Variants in PLCB1 observed in about 807,000 individuals in gnomAD.
The protein encoded by PLCB1 is phospholipase C beta 1.
A neutral mutation model predicts 161.8 loss-of-function variants in PLCB1; 46 were observed. That is an observed-to-expected ratio of 0.28 (90% confidence interval 0.22 to 0.36). The LOEUF is 0.36. Among genes scored for constraint, PLCB1 ranks in the 10% least tolerant of loss-of-function variants. PLCB1 has a pLI of 1.00. For synonymous variants in PLCB1, 517 were observed against 503.7 expected (o/e 1.03, Z -0.35); for missense variants, 1,016 against 1,472.5 (o/e 0.69, Z 5.07).
At chr20:8,870,978 C>T (rs562248540) in intron 31 of PLCB1, among the ~76,000 whole-genome samples, 1 of 152,282 alleles carries the variant, frequency 6.6e-6, no homozygotes, top group East Asian at 1.9e-4. Context: ...CACCTTGGAG[C>T]TTGTTAGAAA....
At position 8,643,929 on chromosome 20, in the gene PLCB1, C is replaced by T. The variant is rs202240789; in HGVS notation, c.385-2173C>T. Among the ~76,000 whole-genome samples the T allele has an allele frequency of 7.0e-3, 920 of 130,678 alleles. 2 individuals are homozygous for T. The highest frequency in any genetic ancestry group is 0.025 in the African/African-American group (879 of 34,610). 85.7% of individuals were successfully genotyped at this position (130,678 alleles called of 152,430 possible). Reference sequence around the variant, plus strand: ...CCTGCCTCAGCCTGCCCAGTGCCTGCGATTGCAGGCGCGCGCCGCCACGCC... The same window carrying T: ...CCTGCCTCAGCCTGCCCAGTGCCTGTGATTGCAGGCGCGCGCCGCCACGCC... On this transcript the variant is annotated intron_variant, in intron 4 of 31. Coordinates refer to ENST00000338037, the MANE Select transcript of PLCB1 (RefSeq NM_015192.4).
intron 26 of PLCB1, among the ~76,000 whole-genome samples, chr20:8,771,701 T>A (rs1033624550): frequency 1.3e-5 from 2 of 152,166 alleles, no homozygotes; most frequent in African/African-American, 4.8e-5. Context: ...AATCCCTTAG[T>A]ACATAGTATC....
At chr20:8,294,959 A>T (rs1027715275) in intron 2 of PLCB1, among the ~76,000 whole-genome samples, 27 of 152,164 alleles carry the variant, frequency 1.8e-4, no homozygotes, top group Non-Finnish European at 3.8e-4. Context: ...CTACTGCTAC[A>T]TGCAGCAACA....
rs578245232 is a variant in PLCB1 at position 8,205,083 on chromosome 20, A to T, written c.177+54712A>T. On this transcript the variant is annotated intron_variant, in intron 2 of 31. Coordinates refer to ENST00000338037, the MANE Select transcript of PLCB1 (RefSeq NM_015192.4). ...AAATTCTTTATGATAAAATCCATTT[A>T]GCATAATAATCCGAAAAGACAGAGT... Among the ~76,000 whole-genome samples the T allele has an allele frequency of 1.4e-4, 21 of 152,344 alleles. No individual in the cohort carries two copies. The South Asian group carries it at 4.1e-3, about 30-fold the overall frequency.
At chr20:8,277,069 C>A (rs184551068) in intron 2 of PLCB1, among the ~76,000 whole-genome samples, 1 of 150,548 alleles carries the variant, frequency 6.6e-6, no homozygotes, top group Non-Finnish European at 1.5e-5. Context: ...GGCACGATCT[C>A]GGCTCACTGC....
intron 9 of PLCB1, among the ~76,000 whole-genome samples, chr20:8,660,790 G>A (rs1183318631): frequency 6.6e-6 from 1 of 152,078 alleles, no homozygotes; most frequent in African/African-American, 2.4e-5. Flanking sequence ...AACTTTATCT[G>A]TTTTTCTATA....
chr20:8,498,294 A>G (rs551051922), intron 3 of PLCB1, among the ~76,000 whole-genome samples: 1 of 152,242 alleles, frequency 6.6e-6, no homozygotes, highest in Admixed American at 6.5e-5. Context: ...ATGGAGTTTC[A>G]CCATGTTGGC....
intron 3 of PLCB1, among the ~76,000 whole-genome samples, chr20:8,582,725 T>C (rs1334204721): frequency 1.3e-5 from 2 of 152,192 alleles, no homozygotes; most frequent in African/African-American, 4.8e-5. Flanking sequence ...AGGTGGCTCA[T>C]GCCTGTAATC....
chr20:8,209,987 G>A (rs560985707), intron 2 of PLCB1, among the ~76,000 whole-genome samples: 67 of 152,096 alleles, frequency 4.4e-4, no homozygotes, highest in African/African-American at 1.6e-3. Context: ...ACAGGCTTGT[G>A]CCACTACACC....
chr20:8,792,906 C>T (rs550211367), intron 31 of PLCB1: 18 of 312,288 alleles, frequency 5.8e-5, no homozygotes, highest in South Asian at 5.4e-4. Context: ...GACCAAAGCA[C>T]AGGACAGCAA....
chr20:8,338,234 A>G (rs1985658472), intron 2 of PLCB1, among the ~76,000 whole-genome samples: 2 of 152,204 alleles, frequency 1.3e-5, no homozygotes, highest in South Asian at 2.1e-4. Flanking sequence ...GATTTTAACA[A>G]TGAGAGGCAT....
chr20:8,785,480 C>G lies in PLCB1; in HGVS notation c.3112-2969C>G, dbSNP rs1027060612. Reference sequence around the variant, plus strand: ...TATTTAGTAGGTGCTTAATAAATATCCATTGCATCGTGGCTGAATCAGATA... The same window carrying G: ...TATTTAGTAGGTGCTTAATAAATATGCATTGCATCGTGGCTGAATCAGATA... On this transcript the variant is annotated intron_variant, in intron 27 of 31. Coordinates refer to ENST00000338037, the MANE Select transcript of PLCB1 (RefSeq NM_015192.4). Among the ~76,000 whole-genome samples the G allele has an allele frequency of 9.9e-5, 15 of 152,108 alleles. 1 individual carries two copies. Among genetic ancestry groups the G allele is most frequent in the Non-Finnish European group, 2.1e-4 (14 of 68,026 alleles).
chr20:8,563,222 G>C (rs556737531), intron 3 of PLCB1, among the ~76,000 whole-genome samples: 9 of 152,184 alleles, frequency 5.9e-5, no homozygotes, highest in African/African-American at 2.2e-4. Context: ...TTAGGAGCAA[G>C]TAATTGATTT....
Position 8,839,752 on chromosome 20 carries a change from A to AAAC in PLCB1, c.3424-41870_3424-41869insAAC, listed in dbSNP as rs368082373. Reference sequence around the variant, plus strand: ...GTAATTCTTAAAAAAAAAAAAAAAAAGCCTTGGCCAGGTGCGGTGGCTCAC... The same window carrying AAAC: ...GTAATTCTTAAAAAAAAAAAAAAAAAAACGCCTTGGCCAGGTGCGGTGGCTCAC... On this transcript the variant is annotated intron_variant, in intron 31 of 31. Transcript: ENST00000338037. Among the ~76,000 whole-genome samples the AAAC allele has an allele frequency of 1.9e-3, 284 of 148,438 alleles. 4 individuals carry two copies. The highest frequency in any genetic ancestry group is 9.9e-3 in the South Asian group (47 of 4,754).
intron 30 of PLCB1, among the ~76,000 whole-genome samples, 196 bp from the exon 31 acceptor site, chr20:8,789,979 C>T (rs767662182): frequency 1.3e-5 from 2 of 152,066 alleles, no homozygotes; most frequent in Non-Finnish European, 2.9e-5. Flanking sequence ...CCATTGATCA[C>T]CACCTCCCAC....
chr20:8,217,992 T>G (rs1979221877), intron 2 of PLCB1, among the ~76,000 whole-genome samples: 1 of 152,154 alleles, frequency 6.6e-6, no homozygotes, highest in Admixed American at 6.6e-5. Context: ...AACAAAACTC[T>G]GTTTATTATA....
At position 8,581,781 on chromosome 20, in the gene PLCB1, A is replaced by T. The variant is rs183202271; in HGVS notation, c.247-46513A>T. Among the ~76,000 whole-genome samples the T allele has an allele frequency of 2.2e-4, 34 of 152,248 alleles. No homozygotes were observed. In the East Asian group the frequency reaches 6.0e-3, roughly 27 times the overall value. On this transcript the variant is annotated intron_variant, in intron 3 of 31. Transcript: ENST00000338037. ...CACCTGCAAAGAATAGCTATTGAGT[A>T]TTTCTACTCTGAATTCAGAAGTTTG...
At chr20:8,240,279 GACACACACAC>G (rs10683042) in intron 2 of PLCB1, among the ~76,000 whole-genome samples, 1 of 149,560 alleles carries the variant, frequency 6.7e-6, no homozygotes, top group African/African-American at 2.5e-5. Flanking sequence ...TCATGATATT[GACACACACAC>G]ACACACACAC....
At chr20:8,590,982 G>C (rs1243074962) in intron 3 of PLCB1, among the ~76,000 whole-genome samples, 2 of 151,548 alleles carry the variant, frequency 1.3e-5, no homozygotes, top group East Asian at 3.9e-4. Context: ...CCCCCTCCCC[G>C]ACCTTCCAAC....
Sources: allele counts gnomAD v4.1 joint callset (sites outside exome capture counted in the v4.1 genomes callset), GRCh38; gene constraint gnomAD v4.1.1; transcripts MANE v1.5; gene names NCBI Gene and HGNC (gene_info 2026-07-23, HGNC 2026-07-21).